DYNC1H1: variants seen among roughly 807,000 people sequenced by gnomAD.
DYNC1H1 encodes dynein cytoplasmic 1 heavy chain 1.
DYNC1H1 carries 51 observed loss-of-function variants against 527.1 expected under a neutral mutation model. The ratio of observed to expected loss-of-function variants is 0.10; its 90% CI spans 0.08 to 0.12. The LOEUF is 0.12. Ranked by LOEUF, DYNC1H1 falls within the 10% of genes least tolerant of loss-of-function variation. DYNC1H1 has a pLI of 1.00. For missense variants in DYNC1H1, 2,771 were observed against 5,971.8 expected (o/e 0.46, Z 17.66); for synonymous variants, 2,189 against 2,278.8 (o/e 0.96, Z 1.12).
In DYNC1H1 at chr14:102,001,955, T is replaced by C. The variant is rs1258981740; in HGVS notation, c.4542+274T>C. 6.6e-6 allele frequency among the ~76,000 whole-genome samples: 1 copy of C among 152,036 alleles called. No homozygotes were observed. Among genetic ancestry groups the C allele is most frequent in the African/African-American group, 2.4e-5 (1 of 41,390 alleles). ...TGCTGGGCTAGCTTTTTATTTTTTG[T>C]AGAGACAGCATCTCACTATATTGCC... On this transcript the variant is annotated intron_variant, in intron 21 of 77. Coordinates refer to ENST00000360184, the MANE Select transcript of DYNC1H1 (RefSeq NM_001376.5). The surrounding 1 kb of genome is among the most constrained non-coding windows in gnomAD (Gnocchi z 5.0).
Position 102,011,754 on chromosome 14 carries a change from G to GA in DYNC1H1, c.6619-108dup, listed in dbSNP as rs572860079. The GA allele has an allele frequency of 0.036, 33,075 of 920,640 alleles. No homozygotes were observed. The highest frequency in any genetic ancestry group is 0.042 in the Non-Finnish European group (26,144 of 617,586). 57.0% of individuals were successfully genotyped at this position (920,640 alleles called of 1,614,324 possible). A position where few individuals can be genotyped will look rare whatever the true frequency, so the allele number is the denominator to read the frequency against. On this transcript the variant is annotated intron_variant, in intron 32 of 77. Transcript: ENST00000360184. The surrounding 1 kb of genome is among the most constrained non-coding windows in gnomAD (Gnocchi z 5.3). ...GTGACAGAGAGAGACTCCGTTTCAG[G>GA]AAAAAAAAAAAAATCCACACATAAT...
chr14:102,008,008 C>T (rs1015084302), intron 28 of DYNC1H1, among the ~76,000 whole-genome samples, 170 bp from the exon 29 acceptor site: 2 of 152,194 alleles, frequency 1.3e-5, no homozygotes, highest in African/African-American at 4.8e-5. Context: ...GGATCAGCGG[C>T]CCCAACCCTT....
chr14:101,991,577 A>G lies in DYNC1H1; in HGVS notation c.2919A>G (p.Pro973=). 1.2e-6 allele frequency: 2 copies of G among 1,614,236 alleles called. No individual in the cohort carries two copies. The highest frequency in any genetic ancestry group is 1.1e-5 in the South Asian group (1 of 91,088). ...RITNQVIYLN[P]PIEECRYKLY... ...CCAATCAGGTAATCTACTTGAATCCACCAATTGAAGAGTGCAGATACAAGC... is the reference window on the plus strand; with the variant it reads ...CCAATCAGGTAATCTACTTGAATCCGCCAATTGAAGAGTGCAGATACAAGC... Residue 973 remains proline (P), a synonymous_variant, in exon 11 of 78, where the codon CCA becomes CCG. Coordinates refer to ENST00000360184, the MANE Select transcript of DYNC1H1 (RefSeq NM_001376.5).
chr14:102,039,818 CTTTTA>C lies in DYNC1H1; in HGVS notation c.11690+91_11690+95del. The stretch of plus-strand genomic sequence containing the variant: ...GATCAGATACATGCTTTTATTATTT[CTTTTA>C]TTTTCTCTTTTATTTTCTTTATTTT... On this transcript the variant is annotated intron_variant, in intron 62 of 77. Transcript: ENST00000360184. This position sits in a 1 kb window ranked among gnomAD's most constrained non-coding sequence, Gnocchi z 7.0. 6.4e-6 allele frequency: 9 copies of C among 1,411,664 alleles called. No homozygotes were observed. In the South Asian group the frequency reaches 8.5e-5, roughly 13 times the overall value. The allele number at this position is 1,411,664 out of a possible 1,614,324, so 87.4% of individuals were successfully genotyped here. A position where few individuals can be genotyped will look rare whatever the true frequency, so the allele number is the denominator to read the frequency against.
intron 15 of DYNC1H1, 43 bp from the exon 16 acceptor site, chr14:101,996,992 T>C (rs1247775631): frequency 3.2e-6 from 5 of 1,585,456 alleles, no homozygotes; most frequent in African/African-American, 2.7e-5. Context: ...TTTCTATCAT[T>C]GTTATAGAAG....
In DYNC1H1 at chr14:102,036,990, G is replaced by A. The variant is rs996430417; in HGVS notation, c.10908+348G>A. On this transcript the variant is annotated intron_variant, in intron 57 of 77. Coordinates refer to ENST00000360184, the MANE Select transcript of DYNC1H1 (RefSeq NM_001376.5). The surrounding 1 kb of genome is among the most constrained non-coding windows in gnomAD (Gnocchi z 5.6). ...CTGGCACCTGTAGTCCCAGCTACTC[G>A]GGAGGCTGAGGCAGGAGAATCACTT... 1.7e-5 allele frequency: 6 copies of A among 345,904 alleles called. No homozygotes were observed. Among genetic ancestry groups the A allele is most frequent in the South Asian group, 4.6e-5 (2 of 43,662 alleles). 21.4% of individuals were successfully genotyped at this position (345,904 alleles called of 1,614,324 possible). A position where few individuals can be genotyped will look rare whatever the true frequency, so the allele number is the denominator to read the frequency against.
At chr14:102,003,024 C>G in intron 23 of DYNC1H1, 59 bp downstream of exon 23, 1 of 1,608,100 alleles carries the variant, frequency 6.2e-7, no homozygotes, top group African/African-American at 1.3e-5. Flanking sequence ...GTGCATTTTT[C>G]CAGTGATCTT....
At chr14:102,021,656 C>CTTTT (rs757880988) in intron 42 of DYNC1H1, among the ~76,000 whole-genome samples, 10 of 119,834 alleles carry the variant, frequency 8.3e-5, no homozygotes, top group Non-Finnish European at 1.2e-4. Context: ...TTTTCTTTTT[C>CTTTT]TTTTTTTTTT....
rs2141280477 is a variant in DYNC1H1 at position 101,994,297 on chromosome 14, T to C, written c.3129T>C (p.Ile1043=). 12 of 1,614,206 alleles carry C rather than the reference T, an allele frequency of 7.4e-6. No homozygotes were observed. The highest frequency in any genetic ancestry group is 9.3e-6 in the Non-Finnish European group (11 of 1,180,042). Residue 1043 remains isoleucine (I), a synonymous_variant, in exon 12 of 78, where the codon ATT becomes ATC. Transcript: ENST00000360184. Reference sequence around the variant, plus strand: ...AGTCGTATTCTGCTGTCATGGGCATTGTATCTGAAGTTGAACAGTATGTCA... The same window carrying C: ...AGTCGTATTCTGCTGTCATGGGCATCGTATCTGAAGTTGAACAGTATGTCA... The part of the protein sequence containing the change: ...LEESYSAVMG[I]VSEVEQYVKV...
Position 102,029,770 on chromosome 14 carries a change from T to C in DYNC1H1, c.9643-49T>C, listed in dbSNP as rs1250728015. 1 of 1,614,172 alleles carries C rather than the reference T, an allele frequency of 6.2e-7. No individual in the cohort carries two copies. The highest frequency in any genetic ancestry group is 8.5e-7 in the Non-Finnish European group (1 of 1,180,016). ...GAGCTGCAGTGAGGACCCCTTTCCA[T>C]ATAATTTCTGCATGTTTCTCGTCTC... is the stretch of plus-strand genomic sequence containing the variant. On this transcript the variant is annotated intron_variant, in intron 49 of 77. Transcript: ENST00000360184. The surrounding 1 kb of genome is among the most constrained non-coding windows in gnomAD (Gnocchi z 5.3).
chr14:101,967,307 A>G (rs989309205), intron 1 of DYNC1H1, among the ~76,000 whole-genome samples: 5 of 152,240 alleles, frequency 3.3e-5, no homozygotes, highest in East Asian at 1.9e-4. Context: ...ATAGGCATGC[A>G]TTAATGTAGA....
intron 12 of DYNC1H1, 112 bp from the exon 13 acceptor site, chr14:101,994,561 C>CT (rs1178986516): frequency 8.3e-6 from 12 of 1,439,800 alleles, no homozygotes; most frequent in Non-Finnish European, 1.0e-5. Flanking sequence ...GAGAATTTCT[C>CT]TAATAGTGGT....
At position 101,979,738 on chromosome 14, in the gene DYNC1H1, C is replaced by T; in HGVS notation, c.538C>T (p.Pro180Ser). Residue 180 changes from proline (P) to serine (S), a missense_variant, in exon 4 of 78, where the codon CCT becomes TCT. Around this residue, in one of 32 missense-constraint regions of DYNC1H1, gnomAD observed 146 missense variants for 288.1 expected, o/e 0.51. Coordinates refer to ENST00000360184, the MANE Select transcript of DYNC1H1 (RefSeq NM_001376.5). The surrounding 1 kb of genome is among the most constrained non-coding windows in gnomAD (Gnocchi z 4.6). ...KADRDGDKMA[P>S]SVEKKIAELE... ...TTTTAGGGATGGTGATAAAATGGCT[C>T]CTTCAGTTGAAAAGAAGATTGCAGA... is the stretch of plus-strand genomic sequence containing the variant. 1 of 1,614,096 alleles carries T rather than the reference C, an allele frequency of 6.2e-7. No individual in the cohort carries two copies. Among genetic ancestry groups the T allele is most frequent in the African/African-American group, 1.3e-5 (1 of 75,034 alleles).
rs190192249 is a variant in DYNC1H1, at chr14:102,038,627, C to T, written c.11055+21C>T. Reference sequence around the variant, plus strand: ...CAACTGTAAGGAATGGGACCCTTCCCCAGGGAAATCTGGCAGGATGTGGTT... The same window carrying T: ...CAACTGTAAGGAATGGGACCCTTCCTCAGGGAAATCTGGCAGGATGTGGTT... On this transcript the variant is annotated intron_variant, in intron 58 of 77. Coordinates refer to ENST00000360184, the MANE Select transcript of DYNC1H1 (RefSeq NM_001376.5). The surrounding 1 kb of genome is among the most constrained non-coding windows in gnomAD (Gnocchi z 7.2). The T allele has an allele frequency of 2.5e-6, 4 of 1,614,178 alleles. No homozygotes were observed. Among genetic ancestry groups the T allele is most frequent in the Non-Finnish European group, 3.4e-6 (4 of 1,180,026 alleles).
In DYNC1H1 at chr14:102,006,464, A is replaced by T. The variant is rs17512334; in HGVS notation, c.5716+294A>T. Among the ~76,000 whole-genome samples, 2,279 of 152,198 alleles carry T rather than the reference A, an allele frequency of 0.015. 67 individuals carry two copies. Among genetic ancestry groups the T allele is most frequent in the African/African-American group, 0.052 (2,169 of 41,512 alleles). On this transcript the variant is annotated intron_variant, in intron 27 of 77. Transcript: ENST00000360184. ...TGGCCAGGCTGGTCTCGAACTCCTG[A>T]CCTGGTGACCCCCTCACCTTGGCCT...
intron 56 of DYNC1H1, chr14:102,035,611 G>A (rs1253036438): frequency 6.6e-6 from 1 of 152,250 alleles, no homozygotes; most frequent in Non-Finnish European, 1.5e-5. Flanking sequence ...AGATAACTCA[G>A]ATGGCCCTCC....
chr14:101,986,418 T>C lies in DYNC1H1; in HGVS notation c.2193T>C (p.Asn731=). The C allele has an allele frequency of 1.2e-6, 2 of 1,614,098 alleles. No homozygotes were observed. The highest frequency in any genetic ancestry group is 1.7e-6 in the Non-Finnish European group (2 of 1,180,016). Residue 731 remains asparagine, a synonymous_variant, in exon 8 of 78, where the codon AAT becomes AAC. Coordinates refer to ENST00000360184, the MANE Select transcript of DYNC1H1 (RefSeq NM_001376.5). This position sits in a 1 kb window ranked among gnomAD's most constrained non-coding sequence, Gnocchi z 8.7. ...CTCGGGTTCGGGGCCGAACTGGAAA[T>C]GTGCTTAAGCTGAAAGTTAACTTTC... ...ESTRVRGRTG[N]VLKLKVNFLP... is the part of the protein sequence containing the mutation.
intron 23 of DYNC1H1, 151 bp from the exon 24 acceptor site, chr14:102,004,367 T>A: frequency 1.2e-6 from 1 of 840,116 alleles, no homozygotes; most frequent in Non-Finnish European, 1.8e-6. Context: ...TGCCAAGGGC[T>A]AGAAGAAATT....
intron 42 of DYNC1H1, among the ~76,000 whole-genome samples, chr14:102,021,332 G>A (rs2048381508): frequency 6.6e-6 from 1 of 152,192 alleles, no homozygotes; most frequent in Non-Finnish European, 1.5e-5. Flanking sequence ...AGCCATGATC[G>A]TGCCACTGCA....
Sources: gnomAD v4.1 joint callset for allele counts (sites outside exome capture counted in the v4.1 genomes callset) on GRCh38, gnomAD v4.1.1 for gene constraint, gnomAD v4.1.1 regional missense constraint, Gnocchi (gnomAD v3.1) non-coding constraint, MANE v1.5 for transcripts, NCBI Gene and HGNC (gene_info 2026-07-23, HGNC 2026-07-21) for gene names.